The following DNAH5 variants were observed in gnomAD, a reference collection of about 807,000 sequenced individuals.
DNAH5 encodes the protein axonemal beta dynein heavy chain 5.
A neutral mutation model predicts 518.2 loss-of-function variants in DNAH5; 372 were observed. The ratio of observed to expected loss-of-function variants is 0.72; its 90% CI spans 0.66 to 0.78. DNAH5 has a LOEUF of 0.78. Ranked by LOEUF, DNAH5 falls within the 30% of genes least tolerant of loss-of-function variation. The pLI, the probability that DNAH5 is intolerant of heterozygous loss-of-function variation, is 0.00. For synonymous variants in DNAH5, 2,039 were observed against 2,025.9 expected (o/e 1.01, Z -0.17); for missense variants, 5,523 against 5,687.0 (o/e 0.97, Z 0.93).
At chr5:13,706,692 A>G (rs1742833853) in intron 76 of DNAH5, among the ~76,000 whole-genome samples, 1 of 152,218 alleles carries the variant, frequency 6.6e-6, no homozygotes, top group Non-Finnish European at 1.5e-5. Context: ...TTTCCTACTT[A>G]CAAAGACACT....
At chr5:13,978,942 A>C (rs116487379) in intron 1 of DNAH5, among the ~76,000 whole-genome samples, 2 of 152,230 alleles carry the variant, frequency 1.3e-5, no homozygotes, top group African/African-American at 2.4e-5. Flanking sequence ...ACCTGGTCTC[A>C]CCACTCTACT....
At chr5:13,855,785 T>TA (rs1231612248) in intron 30 of DNAH5, among the ~76,000 whole-genome samples, 1 of 152,056 alleles carries the variant, frequency 6.6e-6, no homozygotes, top group African/African-American at 2.4e-5. Flanking sequence ...ATGCAAATCA[T>TA]AAAAAACAGT....
At chr5:13,809,829 T>C (rs1275232304) in intron 45 of DNAH5, among the ~76,000 whole-genome samples, 3 of 152,218 alleles carry the variant, frequency 2.0e-5, no homozygotes, top group Non-Finnish European at 4.4e-5. Flanking sequence ...TCTTAATTCA[T>C]TGAAAGTTTA....
intron 11 of DNAH5, among the ~76,000 whole-genome samples, chr5:13,911,804 A>G (rs1467390520): frequency 6.6e-6 from 1 of 152,340 alleles, no homozygotes; most frequent in East Asian, 1.9e-4. Flanking sequence ...TGTTAATCAT[A>G]TCTGAAATAA....
In DNAH5 at chr5:13,857,865, G is replaced by A. The variant is rs148468891; in HGVS notation, c.4950+1587C>T. ...ACACCTTATACAAAAATTAACTCAT[G>A]GTGGATTAAAGATCTAAACATAAGA... On this transcript the variant is annotated intron_variant, in intron 30 of 78. Transcript: ENST00000265104. 8.4e-3 allele frequency among the ~76,000 whole-genome samples: 1,272 copies of A among 152,296 alleles called. 21 individuals carry two copies. The highest frequency in any genetic ancestry group is 0.028 in the African/African-American group (1,169 of 41,562).
chr5:13,795,048 G>A (rs911986021), intron 47 of DNAH5, among the ~76,000 whole-genome samples: 3 of 152,192 alleles, frequency 2.0e-5, no homozygotes, highest in Non-Finnish European at 4.4e-5. Flanking sequence ...CACATTTAAA[G>A]CAGCGTGTAG....
At chr5:14,005,242 C>G (rs763670790) in intron 1 of DNAH5, among the ~76,000 whole-genome samples, 1 of 152,194 alleles carries the variant, frequency 6.6e-6, no homozygotes, top group Non-Finnish European at 1.5e-5. Context: ...TCCAGAAAAC[C>G]CTCTTTGACC....
chr5:13,829,912 TAAAGTTACAATCCCAA>T, intron 37 of DNAH5, 98 bp downstream of exon 37: 1 of 475,968 alleles, frequency 2.1e-6, no homozygotes, highest in Non-Finnish European at 3.0e-6. Flanking sequence ...CAAAAGGAGG[TAAAGTTACAATCCCAA>T]TTTCCATTCA....
rs2126509340 is a variant in DNAH5, at chr5:13,717,441, G to C, written c.12579C>G (p.Ser4193=). 46 of 1,614,166 alleles carry C rather than the reference G, an allele frequency of 2.8e-5. No individual in the cohort carries two copies. The highest frequency in any genetic ancestry group is 3.9e-5 in the Non-Finnish European group (46 of 1,180,020). Residue 4193 remains serine (S), a synonymous_variant, in exon 73 of 79, where the codon TCC becomes TCG. Coordinates refer to ENST00000265104, the MANE Select transcript of DNAH5 (RefSeq NM_001369.3). ...CGAACTTGCGCCTCTCCTGGACAGTGGAGTGCAGGAAAGCCACTGCGTACA... is the reference window on the plus strand; with the variant it reads ...CGAACTTGCGCCTCTCCTGGACAGTCGAGTGCAGGAAAGCCACTGCGTACA... ...PMLYAVAFLH[S]TVQERRKFGA...
At chr5:14,002,703 C>A (rs1784447494) in intron 1 of DNAH5, among the ~76,000 whole-genome samples, 1 of 152,068 alleles carries the variant, frequency 6.6e-6, no homozygotes, top group Admixed American at 6.5e-5. Context: ...AAAGTTCCCA[C>A]TAATGCTAGA....
At chr5:13,917,551 G>T (rs1406554437) in intron 7 of DNAH5, among the ~76,000 whole-genome samples, 2 of 152,166 alleles carry the variant, frequency 1.3e-5, no homozygotes, top group African/African-American at 4.8e-5. Context: ...CCCCTGCACT[G>T]GTTAGCAGAC....
At chr5:13,702,450 T>A (rs904251514) in intron 76 of DNAH5, among the ~76,000 whole-genome samples, 1 of 152,176 alleles carries the variant, frequency 6.6e-6, no homozygotes, top group East Asian at 1.9e-4. Context: ...TTATACTACG[T>A]TCGGTCTGAG....
intron 41 of DNAH5, among the ~76,000 whole-genome samples, chr5:13,818,609 C>A (rs1407491489): frequency 1.3e-5 from 2 of 152,186 alleles, no homozygotes; most frequent in African/African-American, 2.4e-5. Flanking sequence ...GGTCTGTATG[C>A]CTTTCTATAA....
At chr5:13,951,367 C>A (rs1199795221) in intron 1 of DNAH5, among the ~76,000 whole-genome samples, 2 of 148,466 alleles carry the variant, frequency 1.3e-5, no homozygotes, top group Non-Finnish European at 3.0e-5. Context: ...CAGGTGTGCA[C>A]CACCAGATTC....
chr5:13,876,324 A>T (rs1422579855), intron 22 of DNAH5, among the ~76,000 whole-genome samples: 1 of 152,166 alleles, frequency 6.6e-6, no homozygotes, highest in African/African-American at 2.4e-5. Flanking sequence ...ATGACTACAA[A>T]CCTTATTCTA....
chr5:13,923,343 C>T lies in DNAH5; in HGVS notation c.375G>A (p.Gly125=). ...VTEGNDVALT[G]VCVFFIRTDP... is the part of the protein sequence containing the mutation. The stretch of plus-strand genomic sequence containing the variant: ...CAGTCCTGATGAAGAACACACATAC[C>T]CCAGTAAGAGCCACATCGTTTCCCT... Residue 125 remains glycine (G), a synonymous_variant, in exon 4 of 79, where the codon GGG becomes GGA. Transcript: ENST00000265104. 6.2e-7 allele frequency: 1 copy of T among 1,614,042 alleles called. No individual in the cohort carries two copies. Among genetic ancestry groups the T allele is most frequent in the Non-Finnish European group, 8.5e-7 (1 of 1,179,980 alleles).
chr5:14,006,420 C>G (rs571774351), intron 1 of DNAH5, among the ~76,000 whole-genome samples: 10 of 152,204 alleles, frequency 6.6e-5, no homozygotes, highest in Non-Finnish European at 1.0e-4. Context: ...CTGGAAGCCA[C>G]AAGTCCAAGA....
chr5:13,871,074 T>G (rs896545512), intron 23 of DNAH5, 72 bp from the exon 24 acceptor site: 1 of 1,127,240 alleles, frequency 8.9e-7, no homozygotes, highest in Non-Finnish European at 1.3e-6. Flanking sequence ...ACTGTCGCTG[T>G]TCTCCAGTAG....
intron 1 of DNAH5, among the ~76,000 whole-genome samples, chr5:13,933,686 AG>A (rs1237929297): frequency 3.3e-5 from 5 of 149,748 alleles, no homozygotes; most frequent in African/African-American, 9.8e-5. Context: ...GCTACTTGGG[AG>A]GATGAGGCAG....
Sources: gnomAD v4.1 joint callset for allele counts (sites outside exome capture counted in the v4.1 genomes callset) on GRCh38, gnomAD v4.1.1 for gene constraint, MANE v1.5 for transcripts, NCBI Gene and HGNC (gene_info 2026-07-23, HGNC 2026-07-21) for gene names.